Variants in SMARCB1 observed in about 807,000 individuals in gnomAD.
The protein encoded by SMARCB1 is SWI/SNF-related matrix-associated actin-dependent regulator of chromatin subfamily B member 1.
A neutral mutation model predicts 49.0 loss-of-function variants in SMARCB1; 5 were observed. The ratio of observed to expected loss-of-function variants is 0.10; its 90% CI spans 0.05 to 0.21. SMARCB1 has a LOEUF of 0.21. Among genes scored for constraint, SMARCB1 ranks in the 10% least tolerant of loss-of-function variants. The probability of loss-of-function intolerance (pLI) is 1.00; values close to 1 mark genes in which losing one functional copy is unlikely to be tolerated. For missense variants in SMARCB1, 226 were observed against 509.2 expected, an observed-to-expected ratio of 0.44 and a Z score of 5.35; for synonymous variants, 201 against 200.1, an observed-to-expected ratio of 1.00 and a Z score of -0.04.
intron 6 of SMARCB1, among the ~76,000 whole-genome samples, chr22:23,818,913 T>C (rs2029927024): frequency 6.6e-6 from 1 of 152,126 alleles, no homozygotes; most frequent in Non-Finnish European, 1.5e-5. Context: ...CAGTTATGGC[T>C]CACTGCAACC....
intron 3 of SMARCB1, among the ~76,000 whole-genome samples, chr22:23,796,053 A>C (rs1232913569): frequency 6.6e-6 from 1 of 152,052 alleles, no homozygotes. Flanking sequence ...TCGGCCTCCC[A>C]AAGTGGTGGG....
chr22:23,834,743 G>C lies in SMARCB1; in HGVS notation c.*563G>C, dbSNP rs747406534. ...CCTGTTCTCCTTCCAGACCCAGAGA[G>C]CTGAGAAGAGTAGCTGTGAGGCTCA... On this transcript the variant is annotated 3_prime_UTR_variant, in exon 9 of 9. Transcript: ENST00000644036. The C allele has an allele frequency of 1.1e-4, 160 of 1,493,558 alleles. No homozygotes were observed. The highest frequency in any genetic ancestry group is 1.5e-4 in the Admixed American group (7 of 46,840). The allele number at this position is 1,493,558 out of a possible 1,614,324, so 92.5% of individuals were successfully genotyped here.
chr22:23,828,477 A>T (rs2030495978), intron 7 of SMARCB1, among the ~76,000 whole-genome samples: 1 of 152,008 alleles, frequency 6.6e-6, no homozygotes, highest in Non-Finnish European at 1.5e-5. Flanking sequence ...AACATGGCAA[A>T]ACCCCGTCTC....
In SMARCB1 at chr22:23,818,837, C is replaced by G. The variant is rs184607938; in HGVS notation, c.795+1901C>G. 3.6e-3 allele frequency among the ~76,000 whole-genome samples: 543 copies of G among 152,212 alleles called. 1 individual carries two copies. Among genetic ancestry groups the G allele is most frequent in the African/African-American group, 0.012 (516 of 41,522 alleles). ...TTGCACCATGTCAGAATTTCCTTCCCTTTTTAAAATGTATTTATTTTTAGA... is the reference window on the plus strand; with the variant it reads ...TTGCACCATGTCAGAATTTCCTTCCGTTTTTAAAATGTATTTATTTTTAGA... On this transcript the variant is annotated intron_variant, in intron 6 of 8. Coordinates refer to ENST00000644036, the MANE Select transcript of SMARCB1 (RefSeq NM_003073.5).
In SMARCB1 at chr22:23,834,131, C is replaced by G; in HGVS notation, c.1119-10C>G. 1 of 1,585,396 alleles carries G rather than the reference C, an allele frequency of 6.3e-7. No individual in the cohort carries two copies. Among genetic ancestry groups the G allele is most frequent in the Non-Finnish European group, 8.6e-7 (1 of 1,166,100 alleles). On this transcript the variant is annotated splice_polypyrimidine_tract_variant and intron_variant, in intron 8 of 8. Transcript: ENST00000644036. ...GCCCCGACTCATTGCCCTCCCCACT[C>G]CTCTTCCAGGCGGATGAGGCGTCTT...
intron 4 of SMARCB1, chr22:23,801,989 CT>C: frequency 6.3e-6 from 1 of 158,298 alleles, no homozygotes; most frequent in Non-Finnish European, 1.4e-5. Flanking sequence ...CAAGGCCTGC[CT>C]TTTCCTCACA....
At chr22:23,816,442 T>A (rs1930201204) in intron 5 of SMARCB1, 1 of 514,006 alleles carries the variant, frequency 1.9e-6, no homozygotes, top group South Asian at 2.1e-5. Flanking sequence ...AGCTTTGATG[T>A]GCCTTTGCTG....
chr22:23,805,508 TTTC>T (rs1929438810), intron 5 of SMARCB1, among the ~76,000 whole-genome samples: 4 of 152,208 alleles, frequency 2.6e-5, no homozygotes, highest in South Asian at 2.1e-4. Flanking sequence ...CATTGCCGTT[TTTC>T]TTCTTTTTTT....
chr22:23,815,468 A>C (rs1433990371), intron 5 of SMARCB1: 1 of 152,236 alleles, frequency 6.6e-6, no homozygotes, highest in African/African-American at 2.4e-5. Context: ...CGGGAGGCGG[A>C]GCTTGCAGTG....
At position 23,798,096 on chromosome 22, in the gene SMARCB1, C is replaced by G. The variant is rs565802324; in HGVS notation, c.363-2848C>G. Among the ~76,000 whole-genome samples the G allele has an allele frequency of 1.8e-4, 28 of 152,216 alleles. No individual in the cohort carries two copies. The South Asian group carries it at 5.8e-3, about 32-fold the overall frequency. On this transcript the variant is annotated intron_variant, in intron 3 of 8. Transcript: ENST00000644036. ...AGGGGGCAGGGGCTCAGCCCAGGCT[C>G]TAACGTATCCAGTCAGAAAAGAGGA...
At chr22:23,813,822 A>G (rs1930020380) in intron 5 of SMARCB1, among the ~76,000 whole-genome samples, 1 of 150,350 alleles carries the variant, frequency 6.7e-6, no homozygotes. Context: ...AAAGCAATTT[A>G]TTTATTATTA....
intron 4 of SMARCB1, chr22:23,802,186 C>A (rs1488365022): frequency 6.5e-6 from 1 of 152,842 alleles, no homozygotes; most frequent in African/African-American, 2.4e-5. Context: ...GGCTCCCCAT[C>A]ACCCTCGGAG....
At chr22:23,823,798 C>G (rs2030233475) in intron 6 of SMARCB1, 1 of 152,114 alleles carries the variant, frequency 6.6e-6, no homozygotes, top group Admixed American at 6.5e-5. Context: ...TCTTCTCTGC[C>G]CAAAACACTT....
chr22:23,811,301 T>C (rs1014553443), intron 5 of SMARCB1, among the ~76,000 whole-genome samples: 6 of 152,202 alleles, frequency 3.9e-5, no homozygotes, highest in East Asian at 1.9e-4. Flanking sequence ...TTCACAATCA[T>C]TGGAGACCTC....
In SMARCB1 at chr22:23,834,914, C is replaced by T. The variant is rs376592843; in HGVS notation, c.*734C>T. On this transcript the variant is annotated 3_prime_UTR_variant, in exon 9 of 9. Coordinates refer to ENST00000644036, the MANE Select transcript of SMARCB1 (RefSeq NM_003073.5). ...TGGTCAGGCTACTGCCAGCTGGGGC[C>T]TTGCTGCTCTGAAGTCCCCTGCGGA... 5.8e-4 allele frequency: 936 copies of T among 1,610,812 alleles called. 19 individuals are homozygous for T. The South Asian group carries it at 9.6e-3, about 17-fold the overall frequency.
intron 7 of SMARCB1, among the ~76,000 whole-genome samples, chr22:23,832,940 C>T (rs899840916): frequency 7.2e-5 from 11 of 152,008 alleles, no homozygotes; most frequent in East Asian, 5.8e-4. Context: ...GAGTGTGGTC[C>T]GGGGATACGG....
chr22:23,836,881 G>C lies in SMARCB1; in HGVS notation c.*2701G>C. On this transcript the variant is annotated 3_prime_UTR_variant, in exon 9 of 9. Transcript: ENST00000644036. ...CCCTGGGTGGGGGTCACTGCTGCGG[G>C]GGTGGCAGATGGGGTCCTGGCTGTT... 6.8e-7 allele frequency: 1 copy of C among 1,476,626 alleles called. No individual in the cohort carries two copies. The highest frequency in any genetic ancestry group is 9.0e-7 in the Non-Finnish European group (1 of 1,111,788). The allele number at this position is 1,476,626 out of a possible 1,614,324, so 91.5% of individuals were successfully genotyped here.
chr22:23,818,136 G>A (rs1204895156), intron 6 of SMARCB1: 1 of 42,730 alleles, frequency 2.3e-5, no homozygotes, highest in Non-Finnish European at 4.2e-5. Flanking sequence ...GAAATACTTT[G>A]GGTGTGTGTG....
intron 6 of SMARCB1, 99 bp from the exon 7 acceptor site, chr22:23,825,126 T>C (rs1286939497): frequency 1.1e-6 from 1 of 938,144 alleles, no homozygotes; most frequent in Non-Finnish European, 1.8e-6. Context: ...TGGTGGACCC[T>C]GGTGGGCAGG....
Sources: allele counts gnomAD v4.1 joint callset (sites outside exome capture counted in the v4.1 genomes callset), GRCh38; gene constraint gnomAD v4.1.1; transcripts MANE v1.5; gene names NCBI Gene and HGNC (gene_info 2026-07-23, HGNC 2026-07-21).